Variants in PDE4D observed in about 807,000 individuals in gnomAD.
PDE4D encodes 3',5'-cyclic-AMP phosphodiesterase 4D.
Under a neutral mutation model 87.4 loss-of-function variants are expected in PDE4D, and 24 were observed. The observed-to-expected ratio is 0.27, with a 90% CI of 0.20 to 0.39. The LOEUF (loss-of-function observed/expected upper bound fraction) is 0.39, where lower values mean the gene tolerates loss of function less well. PDE4D is among the 10% of genes least tolerant of loss of function. PDE4D has a pLI of 1.00. For synonymous variants in PDE4D, 384 were observed against 383.2 expected (o/e 1.00, Z -0.02); for missense variants, 714 against 1,041.0 (o/e 0.69, Z 4.32).
intron 3 of PDE4D, among the ~76,000 whole-genome samples, chr5:59,928,750 G>C (rs968759802): frequency 2.0e-5 from 3 of 151,592 alleles, no homozygotes; most frequent in East Asian, 1.9e-4. Flanking sequence ...TACTCTCTCT[G>C]TATATATCTC....
At chr5:59,346,753 C>A (rs910782794) in intron 1 of PDE4D, among the ~76,000 whole-genome samples, 4 of 152,172 alleles carry the variant, frequency 2.6e-5, no homozygotes, top group Non-Finnish European at 5.9e-5. Context: ...CAGTGAGTGG[C>A]AGTGCCACTG....
chr5:59,530,228 TTC>T lies in PDE4D; in HGVS notation c.456-314262_456-314261del, dbSNP rs145699542. 5.9e-3 allele frequency among the ~76,000 whole-genome samples: 901 copies of T among 152,286 alleles called. 12 individuals carry two copies. The highest frequency in any genetic ancestry group is 0.021 in the African/African-American group (882 of 41,562). ...CTTCTATTGACACAGATCATAAAAT[TTC>T]TGTTTTCCTTTCTTTGAAAATTAAA... On this transcript the variant is annotated intron_variant, in intron 1 of 14. Transcript: ENST00000340635.
chr5:59,545,328 C>T (rs1817084880), intron 1 of PDE4D, among the ~76,000 whole-genome samples: 1 of 151,928 alleles, frequency 6.6e-6, no homozygotes, highest in Non-Finnish European at 1.5e-5. Flanking sequence ...GCAGAAATGT[C>T]TGATTCCAAG....
intron 3 of PDE4D, among the ~76,000 whole-genome samples, chr5:59,916,447 A>G (rs1259597726): frequency 2.0e-5 from 3 of 152,222 alleles, no homozygotes; most frequent in Non-Finnish European, 4.4e-5. Flanking sequence ...ACATACAGTG[A>G]ACAATAAGAC....
chr5:59,013,064 C>T (rs187275900), intron 6 of PDE4D, among the ~76,000 whole-genome samples: 2 of 151,882 alleles, frequency 1.3e-5, no homozygotes, highest in East Asian at 1.9e-4. Flanking sequence ...GTACATAATG[C>T]GATGAAGGCA....
At chr5:60,125,583 C>G (rs7733728) in intron 2 of PDE4D, among the ~76,000 whole-genome samples, 85,834 of 151,732 alleles carry the variant, frequency 0.57, 25,013 homozygotes, top group African/African-American at 0.68. Flanking sequence ...AAGACCCAAG[C>G]GGGGAGACAA....
At chr5:60,422,132 C>G (rs1042641569) in intron 1 of PDE4D, among the ~76,000 whole-genome samples, 10 of 152,150 alleles carry the variant, frequency 6.6e-5, no homozygotes, top group African/African-American at 2.4e-4. Context: ...AGGATATTAT[C>G]CACAAGAACT....
chr5:59,927,370 C>T (rs758499139), intron 3 of PDE4D, among the ~76,000 whole-genome samples: 31 of 152,258 alleles, frequency 2.0e-4, no homozygotes, highest in Middle Eastern at 3.4e-3. Flanking sequence ...GTGAATGTGA[C>T]GAATAACATC....
intron 2 of PDE4D, among the ~76,000 whole-genome samples, chr5:60,024,234 T>G (rs1011835379): frequency 1.3e-5 from 2 of 152,196 alleles, no homozygotes; most frequent in Non-Finnish European, 2.9e-5. Context: ...GTTTATTTTA[T>G]TTTTGATTGA....
chr5:60,424,740 A>C (rs920591022), intron 1 of PDE4D, among the ~76,000 whole-genome samples: 1 of 152,190 alleles, frequency 6.6e-6, no homozygotes, highest in Admixed American at 6.5e-5. Context: ...AGGAAGTCAA[A>C]CTGTCCCTGT....
intron 3 of PDE4D, among the ~76,000 whole-genome samples, chr5:59,191,444 G>T (rs2153485178): frequency 6.6e-6 from 1 of 151,978 alleles, no homozygotes; most frequent in Admixed American, 6.6e-5. Flanking sequence ...AACAAGAATA[G>T]CTACTTGAAT....
intron 1 of PDE4D, among the ~76,000 whole-genome samples, chr5:59,344,401 CAT>C (rs563791387): frequency 1.1e-3 from 162 of 152,162 alleles, no homozygotes; most frequent in Non-Finnish European, 1.9e-3. Context: ...GTAAAAATTA[CAT>C]ACTTTTTCTT....
chr5:59,752,419 C>A (rs1038763695), intron 1 of PDE4D, among the ~76,000 whole-genome samples: 29 of 152,102 alleles, frequency 1.9e-4, no homozygotes. Flanking sequence ...ATTTAAATAA[C>A]CCTAGGATCC....
intron 1 of PDE4D, chr5:59,592,012 C>T: frequency 3.7e-6 from 1 of 272,006 alleles, no homozygotes; most frequent in Non-Finnish European, 5.6e-6. Context: ...CTTTTTATTG[C>T]ATATATCATC....
rs190499627 is a variant in PDE4D, at chr5:59,766,620, C to T, written c.455+126548G>A. Among the ~76,000 whole-genome samples, 15 of 152,306 alleles carry T rather than the reference C, an allele frequency of 9.8e-5. No individual in the cohort carries two copies. In the East Asian group the frequency reaches 2.9e-3, roughly 29 times the overall value. ...TTTAGGAACTGCAGTGATAAAGCAG[C>T]GCAACCAAAAGGGACACTGGACACG... On this transcript the variant is annotated intron_variant, in intron 1 of 14. Transcript: ENST00000340635.
rs1328600606 is a variant in PDE4D, at chr5:60,460,505, G to T, written c.-90+27437C>A. 7.2e-6 allele frequency: 11 copies of T among 1,518,756 alleles called. No homozygotes were observed. The South Asian group carries it at 1.1e-4, about 16-fold the overall frequency. 94.1% of individuals were successfully genotyped at this position (1,518,756 alleles called of 1,614,324 possible). The stretch of plus-strand genomic sequence containing the variant: ...AATTCTGACATCTTCTGAAAAAATG[G>T]TTGGCAGAGTTTGTCATATTTCTGT... On this transcript the variant is annotated intron_variant, in intron 1 of 16. Transcript: ENST00000502484.
intron 1 of PDE4D, among the ~76,000 whole-genome samples, chr5:59,320,010 T>C (rs1774428218): frequency 6.6e-6 from 1 of 151,812 alleles, no homozygotes; most frequent in Non-Finnish European, 1.5e-5. Flanking sequence ...CCTTCAAGGG[T>C]CAGTGGAGAA....
intron 1 of PDE4D, among the ~76,000 whole-genome samples, chr5:59,778,633 C>T (rs150539799): frequency 1.4e-4 from 22 of 152,258 alleles, no homozygotes; most frequent in African/African-American, 5.3e-4. Flanking sequence ...TCTTGATACA[C>T]CCCTGGTGAA....
chr5:59,283,314 A>G (rs867562560), intron 1 of PDE4D, among the ~76,000 whole-genome samples: 2 of 152,234 alleles, frequency 1.3e-5, no homozygotes, highest in Middle Eastern at 3.4e-3. Flanking sequence ...CTTCCTTTGG[A>G]TCCTGTCCCC....
Sources: allele counts gnomAD v4.1 joint callset (sites outside exome capture counted in the v4.1 genomes callset), GRCh38; gene constraint gnomAD v4.1.1; transcripts MANE v1.5; gene names NCBI Gene and HGNC (gene_info 2026-07-23, HGNC 2026-07-21).